SYT10: variants seen among roughly 807,000 people sequenced by gnomAD.
SYT10 encodes the protein synaptotagmin 10.
SYT10 carries 31 observed loss-of-function variants against 51.1 expected under a neutral mutation model. The ratio of observed to expected loss-of-function variants is 0.61; its 90% CI spans 0.46 to 0.82. The LOEUF is 0.82. Among genes scored for constraint, SYT10 ranks in the 40% least tolerant of loss-of-function variants. SYT10 has a pLI of 0.00. For missense variants in SYT10, 603 were observed against 634.0 expected (o/e 0.95, Z 0.53); for synonymous variants, 233 against 225.9 (o/e 1.03, Z -0.28).
At chr12:33,434,199 C>T (rs531059967) in intron 1 of SYT10, among the ~76,000 whole-genome samples, 2 of 152,176 alleles carry the variant, frequency 1.3e-5, no homozygotes, top group Non-Finnish European at 2.9e-5. Context: ...ATTACAGATC[C>T]AGTTGAACAC....
chr12:33,377,286 C>T (rs1866071288), intron 6 of SYT10, among the ~76,000 whole-genome samples: 1 of 152,102 alleles, frequency 6.6e-6, no homozygotes, highest in South Asian at 2.1e-4. Context: ...GATTCTCTTG[C>T]CTCAGCCTCC....
In SYT10 at chr12:33,396,575, CAG is replaced by C. The variant is rs574090070; in HGVS notation, c.1077+10212_1077+10213del. Among the ~76,000 whole-genome samples, 296 of 152,086 alleles carry C rather than the reference CAG, an allele frequency of 1.9e-3. 1 individual carries two copies. The highest frequency in any genetic ancestry group is 6.6e-3 in the African/African-American group (272 of 41,494). Reference sequence around the variant, plus strand: ...TGTTTTGGAACCTATAAAATTAACACAGAGAGTTATTTTTTCCAGGCTACTCT... The same window carrying C: ...TGTTTTGGAACCTATAAAATTAACACAGAGTTATTTTTTCCAGGCTACTCT... On this transcript the variant is annotated intron_variant, in intron 3 of 6. Coordinates refer to ENST00000228567, the MANE Select transcript of SYT10 (RefSeq NM_198992.4).
intron 4 of SYT10, among the ~76,000 whole-genome samples, chr12:33,384,230 C>A (rs975736166): frequency 2.0e-5 from 3 of 152,108 alleles, no homozygotes; most frequent in Admixed American, 6.6e-5. Context: ...CAAATTTCCC[C>A]ATTCTTACAC....
At chr12:33,421,537 T>C (rs1336431593) in intron 2 of SYT10, among the ~76,000 whole-genome samples, 1 of 152,150 alleles carries the variant, frequency 6.6e-6, no homozygotes, top group African/African-American at 2.4e-5. Context: ...TCACCACTCA[T>C]CATCTCGTGT....
intron 4 of SYT10, among the ~76,000 whole-genome samples, chr12:33,383,333 A>AT (rs998387008): frequency 6.6e-6 from 1 of 152,060 alleles, no homozygotes; most frequent in African/African-American, 2.4e-5. Context: ...TGTAGCACCA[A>AT]TATTTCTTTT....
intron 2 of SYT10, among the ~76,000 whole-genome samples, chr12:33,419,110 G>GT (rs1183391905): frequency 1.3e-5 from 2 of 151,992 alleles, no homozygotes; most frequent in African/African-American, 4.8e-5. Flanking sequence ...CCACTTTTGA[G>GT]TCTTTGCACA....
Position 33,426,447 on chromosome 12 carries a change from G to A in SYT10, c.200C>T (p.Ala67Val), listed in dbSNP as rs750231398. Residue 67 changes from alanine to valine, a missense_variant, in exon 2 of 7, where the codon GCC (alanine) becomes GTC (valine). Ala to Val is a moderately conservative substitution (Grantham distance 64, BLOSUM62 0). Coordinates refer to ENST00000228567, the MANE Select transcript of SYT10 (RefSeq NM_198992.4). ...GACAAAAAGTGAGACAACCAACAAG[G>A]CCAGTCCACAAAAGCTGACAACGAC... ...LAVVVSFCGL[A>V]LLVVSLFVFW... The A allele has an allele frequency of 2.5e-6, 4 of 1,610,092 alleles. No homozygotes were observed. The highest frequency in any genetic ancestry group is 3.4e-6 in the Non-Finnish European group (4 of 1,178,958).
At chr12:33,395,911 A>G (rs1204262514) in intron 3 of SYT10, among the ~76,000 whole-genome samples, 2 of 152,136 alleles carry the variant, frequency 1.3e-5, no homozygotes, top group Non-Finnish European at 1.5e-5. Flanking sequence ...ATATGGTAAA[A>G]CTCTAATATC....
chr12:33,404,100 A>T (rs994565497), intron 3 of SYT10, among the ~76,000 whole-genome samples: 61 of 152,238 alleles, frequency 4.0e-4, no homozygotes, highest in Non-Finnish European at 2.9e-5. Flanking sequence ...GGCAGGTGGA[A>T]TAAAGGTAGC....
chr12:33,429,584 GGTTT>G (rs1294550069), intron 1 of SYT10, among the ~76,000 whole-genome samples: 4 of 152,096 alleles, frequency 2.6e-5, no homozygotes, highest in Admixed American at 6.5e-5. Context: ...TAAGGTTTTT[GGTTT>G]GTTTATTTTT....
rs764919133 is a variant in SYT10, at chr12:33,406,924, T to C, written c.942A>G (p.Leu314=). 11 of 1,614,074 alleles carry C rather than the reference T, an allele frequency of 6.8e-6. No individual in the cohort carries two copies. The highest frequency in any genetic ancestry group is 7.6e-6 in the Non-Finnish European group (9 of 1,180,004). The change falls in exon 3 of 7, where the codon CTA becomes CTG. Residue 314 remains leucine, a synonymous_variant. Coordinates refer to ENST00000228567, the MANE Select transcript of SYT10 (RefSeq NM_198992.4). ...TGTCAAAATCATACACACTGAAATG[T>C]AGTTTTCGGTTGCTTAGTTGATCAT... ...VAYDQLSNRK[L]HFSVYDFDRF... is the part of the protein sequence containing the mutation.
chr12:33,419,708 AGAT>A (rs57728795), intron 2 of SYT10, among the ~76,000 whole-genome samples: 20,222 of 152,130 alleles, frequency 0.13, 1,556 homozygotes, highest in African/African-American at 0.19. Context: ...CCATAAAAAG[AGAT>A]GATAAGCAAT....
chr12:33,421,027 C>G (rs1398481940), intron 2 of SYT10, among the ~76,000 whole-genome samples: 1 of 152,086 alleles, frequency 6.6e-6, no homozygotes, highest in Non-Finnish European at 1.5e-5. Context: ...AGTGTTTTAG[C>G]ATAGATAATT....
intron 1 of SYT10, among the ~76,000 whole-genome samples, chr12:33,426,851 G>A (rs1281926572): frequency 2.0e-5 from 3 of 152,100 alleles, no homozygotes; most frequent in African/African-American, 7.2e-5. Flanking sequence ...CACACAATAG[G>A]AAACTCTTGT....
In SYT10 at chr12:33,426,122, T is replaced by C; in HGVS notation, c.509+16A>G. 1 of 1,573,594 alleles carries C rather than the reference T, an allele frequency of 6.4e-7. No individual in the cohort carries two copies. Among genetic ancestry groups the C allele is most frequent in the Non-Finnish European group, 8.6e-7 (1 of 1,164,244 alleles). On this transcript the variant is annotated intron_variant, in intron 2 of 6. Transcript: ENST00000228567. Reference sequence around the variant, plus strand: ...CACGCACACACACCAGTTTTATATATTTAATCTTTCCTTACCGGGTTGATG... The same window carrying C: ...CACGCACACACACCAGTTTTATATACTTAATCTTTCCTTACCGGGTTGATG...
intron 2 of SYT10, among the ~76,000 whole-genome samples, chr12:33,413,732 C>A (rs1049147548): frequency 2.0e-5 from 3 of 152,090 alleles, no homozygotes; most frequent in African/African-American, 7.2e-5. Flanking sequence ...CAAAAACATG[C>A]CAAATTGTGA....
intron 3 of SYT10, among the ~76,000 whole-genome samples, chr12:33,404,095 G>A (rs1039027308): frequency 1.3e-5 from 2 of 152,232 alleles, no homozygotes; most frequent in African/African-American, 4.8e-5. Context: ...GATGTGGCAG[G>A]TGGAATAAAG....
chr12:33,421,806 A>C (rs1866507336), intron 2 of SYT10, among the ~76,000 whole-genome samples: 1 of 152,166 alleles, frequency 6.6e-6, no homozygotes, highest in Non-Finnish European at 1.5e-5. Context: ...TTGGGCAGAG[A>C]AAGTGGACTC....
At chr12:33,408,588 G>A (rs1866379305) in intron 2 of SYT10, among the ~76,000 whole-genome samples, 1 of 152,060 alleles carries the variant, frequency 6.6e-6, no homozygotes. Context: ...TATATTTCTT[G>A]TCAGTCTGTT....
Sources: allele counts gnomAD v4.1 joint callset (sites outside exome capture counted in the v4.1 genomes callset), GRCh38; gene constraint gnomAD v4.1.1; transcripts MANE v1.5; gene names NCBI Gene and HGNC (gene_info 2026-07-23, HGNC 2026-07-21).